SORCS1: variants seen among roughly 807,000 people sequenced by gnomAD.
The protein encoded by SORCS1 is VPS10 domain-containing receptor SorCS1.
SORCS1 carries 60 observed loss-of-function variants against 146.1 expected under a neutral mutation model. That is an observed-to-expected ratio of 0.41 (90% CI 0.33 to 0.51). SORCS1 has a LOEUF of 0.51. SORCS1 is among the 20% of genes least tolerant of loss of function. The pLI is 0.21. For missense variants in SORCS1, 1,352 were observed against 1,487.6 expected (o/e 0.91, Z 1.50); for synonymous variants, 637 against 584.0 (o/e 1.09, Z -1.31).
At position 106,887,465 on chromosome 10, in the gene SORCS1, A is replaced by C. The variant is rs1951043840; in HGVS notation, c.627-57792T>G. On this transcript the variant is annotated intron_variant, in intron 2 of 25. Coordinates refer to ENST00000263054, the MANE Select transcript of SORCS1 (RefSeq NM_052918.5). ...TATAGAGACTATAAGTTCAAATATA[A>C]CCTCAGGAGGCTGAGGCAGGAGAAT... Among the ~76,000 whole-genome samples, 3 of 152,198 alleles carry C rather than the reference A, an allele frequency of 2.0e-5. No homozygotes were observed. The South Asian group carries it at 6.2e-4, about 32-fold the overall frequency.
chr10:106,969,673 T>G (rs1009535910), intron 1 of SORCS1, among the ~76,000 whole-genome samples: 1 of 152,220 alleles, frequency 6.6e-6, no homozygotes, highest in African/African-American at 2.4e-5. Context: ...TAATAGTGCC[T>G]TAGAGATAGA....
chr10:107,027,519 A>G (rs1958459707), intron 1 of SORCS1, among the ~76,000 whole-genome samples: 2 of 152,164 alleles, frequency 1.3e-5, no homozygotes, highest in Admixed American at 1.3e-4. Flanking sequence ...TTCGCTCTGT[A>G]TGATCACCAT....
At chr10:107,114,944 T>C (rs544587170) in intron 1 of SORCS1, among the ~76,000 whole-genome samples, 7 of 152,212 alleles carry the variant, frequency 4.6e-5, no homozygotes, top group African/African-American at 1.7e-4. Flanking sequence ...TCAGTTGCAT[T>C]TCTATCACCT....
chr10:106,822,113 TTAC>T (rs944277300), intron 3 of SORCS1, among the ~76,000 whole-genome samples: 11 of 142,800 alleles, frequency 7.7e-5, no homozygotes, highest in African/African-American at 9.8e-5. Flanking sequence ...AATTTATTTT[TTAC>T]TACATCAGTG....
chr10:106,947,283 C>G (rs1391423149), intron 2 of SORCS1, among the ~76,000 whole-genome samples: 5 of 152,152 alleles, frequency 3.3e-5, no homozygotes, highest in Non-Finnish European at 5.9e-5. Flanking sequence ...TTTGATACAA[C>G]AATATCATCT....
chr10:106,668,748 C>T (rs1348220586), intron 16 of SORCS1, among the ~76,000 whole-genome samples: 1 of 152,132 alleles, frequency 6.6e-6, no homozygotes, highest in Non-Finnish European at 1.5e-5. Flanking sequence ...TGGTTCAATG[C>T]AGCATGGGTA....
intron 2 of SORCS1, among the ~76,000 whole-genome samples, chr10:106,911,257 A>G (rs1429516113): frequency 6.6e-6 from 1 of 152,184 alleles, no homozygotes; most frequent in Non-Finnish European, 1.5e-5. Flanking sequence ...AGGGAAGTGA[A>G]TGTCCTTCAT....
chr10:106,852,627 C>CAAAAAAAAAAAAAAAAA (rs370300215), intron 2 of SORCS1, among the ~76,000 whole-genome samples: 7 of 84,998 alleles, frequency 8.2e-5, no homozygotes, highest in South Asian at 4.6e-4. Context: ...GACCCTGTCT[C>CAAAAAAAAAAAAAAAAA]AAAAAAAAAA....
At chr10:106,967,283 T>C (rs1380086902) in intron 1 of SORCS1, among the ~76,000 whole-genome samples, 2 of 152,192 alleles carry the variant, frequency 1.3e-5, no homozygotes, top group South Asian at 2.1e-4. Flanking sequence ...ATATAATACA[T>C]AGCTGACCAC....
chr10:106,794,833 T>C (rs10509823), intron 3 of SORCS1, among the ~76,000 whole-genome samples: 36,052 of 152,018 alleles, frequency 0.24, 4,607 homozygotes, highest in Non-Finnish European at 0.29. Context: ...AAATAAAGTT[T>C]CTGTATTCAT....
intron 1 of SORCS1, among the ~76,000 whole-genome samples, chr10:107,098,906 T>A (rs1358381660): frequency 2.6e-5 from 4 of 152,148 alleles, no homozygotes; most frequent in Admixed American, 2.6e-4. Context: ...ATGGCAGACA[T>A]AGGACCAGAA....
chr10:106,589,600 C>T (rs183804475), intron 24 of SORCS1, among the ~76,000 whole-genome samples: 184 of 151,894 alleles, frequency 1.2e-3, no homozygotes, highest in Admixed American at 3.3e-3. Context: ...ACCTGAGTTT[C>T]CATTCCATAT....
intron 3 of SORCS1, among the ~76,000 whole-genome samples, chr10:106,792,876 A>G (rs1946383042): frequency 6.6e-6 from 1 of 152,218 alleles, no homozygotes; most frequent in African/African-American, 2.4e-5. Flanking sequence ...AGGCCTTTCA[A>G]GAACAAATAG....
chr10:106,956,038 G>T (rs1189390268), intron 2 of SORCS1, among the ~76,000 whole-genome samples: 2 of 152,022 alleles, frequency 1.3e-5, no homozygotes, highest in Admixed American at 6.6e-5. Context: ...GCTGAGGCAG[G>T]AGAATGGCTT....
intron 23 of SORCS1, among the ~76,000 whole-genome samples, chr10:106,600,999 T>A (rs553205769): frequency 2.6e-5 from 4 of 152,270 alleles, no homozygotes; most frequent in Admixed American, 2.0e-4. Flanking sequence ...CAGTGACCAA[T>A]ATGGGCTACA....
chr10:106,878,620 G>GCATATATATATATA (rs1554871217), intron 2 of SORCS1, among the ~76,000 whole-genome samples: 3 of 84,924 alleles, frequency 3.5e-5, no homozygotes, highest in African/African-American at 1.4e-4. Context: ...AAACTACCTA[G>GCATATATATATATA]TATATATATA....
rs1453370245 is a variant in SORCS1 at position 106,709,269 on chromosome 10, A to G, written c.1097T>C (p.Ile366Thr). Reference sequence around the variant, plus strand: ...CTGAACAATCAAAGAGTCTGGGTCAATGTAGCCTGGAAAAGGCTGATTCCT... The same window carrying G: ...CTGAACAATCAAAGAGTCTGGGTCAGTGTAGCCTGGAAAAGGCTGATTCCT... ...ANRNQPFPGY[I>T]DPDSLIVQDH... Residue 366 changes from isoleucine to threonine, a missense_variant, in exon 7 of 26, where the codon ATT (isoleucine) becomes ACT (threonine). This residue lies in a region of SORCS1 where 490 missense variants were observed against 489.1 expected (regional missense o/e 1.00). Coordinates refer to ENST00000263054, the MANE Select transcript of SORCS1 (RefSeq NM_052918.5). 2 of 1,613,768 alleles carry G rather than the reference A, an allele frequency of 1.2e-6. No individual in the cohort carries two copies. The highest frequency in any genetic ancestry group is 1.3e-5 in the African/African-American group (1 of 74,890).
chr10:107,143,352 G>C (rs1208761669), intron 1 of SORCS1, among the ~76,000 whole-genome samples: 4 of 152,060 alleles, frequency 2.6e-5, no homozygotes, highest in African/African-American at 9.7e-5. Flanking sequence ...TTTTGAGTCA[G>C]GGTCTGGCTC....
rs1589647445 is a variant in SORCS1, at chr10:106,576,553, T to C, written c.*867A>G. On this transcript the variant is annotated 3_prime_UTR_variant, in exon 26 of 26. Coordinates refer to ENST00000263054, the MANE Select transcript of SORCS1 (RefSeq NM_052918.5). ...AAGCTGCAAGGGGAGGCAATCATGG[T>C]GGAAAGAGGTGAACAGGAAACCAAG... 1 of 152,212 alleles carries C rather than the reference T, an allele frequency of 6.6e-6. No homozygotes were observed. The highest frequency in any genetic ancestry group is 2.4e-5 in the African/African-American group (1 of 41,454). The allele number at this position is 152,212 out of a possible 1,614,324, so 9.4% of individuals were successfully genotyped here. A position where few individuals can be genotyped will look rare whatever the true frequency, so the allele number is the denominator to read the frequency against.
Sources: allele counts gnomAD v4.1 joint callset (sites outside exome capture counted in the v4.1 genomes callset), GRCh38; gene constraint gnomAD v4.1.1; regional missense constraint gnomAD v4.1.1; transcripts MANE v1.5; gene names NCBI Gene and HGNC (gene_info 2026-07-23, HGNC 2026-07-21).